Variants in PTPRD observed in about 807,000 individuals in gnomAD.
PTPRD encodes the protein receptor-type tyrosine-protein phosphatase delta.
A neutral mutation model predicts 214.5 loss-of-function variants in PTPRD; 34 were observed. The observed-to-expected ratio is 0.16, with a 90% CI of 0.12 to 0.21. PTPRD has a LOEUF of 0.21. PTPRD is among the 10% of genes least tolerant of loss of function. The probability of loss-of-function intolerance (pLI) is 1.00; values close to 1 mark genes in which losing one functional copy is unlikely to be tolerated. For synonymous variants in PTPRD, 1,128 were observed against 845.7 expected (o/e 1.33, Z -5.79); for missense variants, 2,545 against 2,398.7 (o/e 1.06, Z -1.27).
Position 10,362,828 on chromosome 9 carries a change from C to T in PTPRD, c.-599-21811G>A, listed in dbSNP as rs147679251. Among the ~76,000 whole-genome samples the T allele has an allele frequency of 2.8e-4, 42 of 152,136 alleles. No individual in the cohort carries two copies. The East Asian group carries it at 7.6e-3, about 27-fold the overall frequency. The stretch of plus-strand genomic sequence containing the variant: ...CCGGGAGGTGGAGGTGGCAGTGAGC[C>T]GACATCGTGCCACTGCACTCCAGCT... On this transcript the variant is annotated intron_variant, in intron 2 of 45. Coordinates refer to ENST00000381196, the MANE Select transcript of PTPRD (RefSeq NM_002839.4).
At chr9:9,075,643 G>A (rs2099749924) in intron 10 of PTPRD, among the ~76,000 whole-genome samples, 1 of 151,994 alleles carries the variant, frequency 6.6e-6, no homozygotes, top group Admixed American at 6.6e-5. Context: ...TCCCACCTGT[G>A]AGTGAGAACA....
At chr9:9,003,716 C>A (rs764389541) in intron 11 of PTPRD, among the ~76,000 whole-genome samples, 1 of 152,038 alleles carries the variant, frequency 6.6e-6, no homozygotes, top group Non-Finnish European at 1.5e-5. Flanking sequence ...TGCTTCAAAT[C>A]TATTCTCCTT....
chr9:9,340,494 G>A (rs1243090051), intron 9 of PTPRD, among the ~76,000 whole-genome samples: 2 of 152,198 alleles, frequency 1.3e-5, no homozygotes, highest in Non-Finnish European at 2.9e-5. Context: ...GCTACAAGTA[G>A]TAGTTAACCT....
chr9:8,484,526 C>T (rs2096955704), intron 29 of PTPRD, 148 bp from the exon 30 acceptor site: 1 of 762,552 alleles, frequency 1.3e-6, no homozygotes, highest in African/African-American at 1.8e-5. Context: ...AGTCATAATT[C>T]TGGAGATCAC....
At chr9:8,610,192 T>C (rs1407037299) in intron 14 of PTPRD, among the ~76,000 whole-genome samples, 7 of 152,238 alleles carry the variant, frequency 4.6e-5, no homozygotes, top group Non-Finnish European at 8.8e-5. Flanking sequence ...CTGCTCTTTC[T>C]GAACTGCAGT....
At chr9:9,578,945 A>T (rs2089911046) in intron 7 of PTPRD, among the ~76,000 whole-genome samples, 2 of 152,094 alleles carry the variant, frequency 1.3e-5, no homozygotes, top group African/African-American at 4.8e-5. Context: ...TTTATGTATT[A>T]ATTCATTTAA....
chr9:9,244,593 G>C (rs944638803), intron 9 of PTPRD, among the ~76,000 whole-genome samples: 3 of 152,160 alleles, frequency 2.0e-5, no homozygotes, highest in African/African-American at 7.2e-5. Context: ...TACGTAAAAA[G>C]CTGAAACTGG....
At chr9:8,483,989 G>C in intron 30 of PTPRD, 130 bp downstream of exon 30, 1 of 1,189,916 alleles carries the variant, frequency 8.4e-7, no homozygotes, top group Non-Finnish European at 1.2e-6. Flanking sequence ...AGCAAAACTG[G>C]GAGTCTGAGC....
chr9:10,486,528 C>G (rs2099133973), intron 2 of PTPRD, among the ~76,000 whole-genome samples: 1 of 152,098 alleles, frequency 6.6e-6, no homozygotes, highest in African/African-American at 2.4e-5. Context: ...CTGTTCTGCT[C>G]CATTGGTCTA....
At chr9:9,042,692 A>T (rs1430731026) in intron 10 of PTPRD, among the ~76,000 whole-genome samples, 2 of 142,468 alleles carry the variant, frequency 1.4e-5, no homozygotes, top group Non-Finnish European at 3.0e-5. Flanking sequence ...GTATCTTATG[A>T]CCTCTGGTGG....
intron 8 of PTPRD, among the ~76,000 whole-genome samples, chr9:9,442,975 ATGTG>A (rs1000341451): frequency 2.0e-5 from 3 of 152,016 alleles, no homozygotes; most frequent in African/African-American, 7.2e-5. Flanking sequence ...GTACATATAT[ATGTG>A]TGTGTGTGTA....
chr9:8,528,352 C>T, intron 15 of PTPRD: 1 of 564,446 alleles, frequency 1.8e-6, no homozygotes. Flanking sequence ...ACAGTCACAG[C>T]AGTGAGCAAT....
intron 8 of PTPRD, among the ~76,000 whole-genome samples, chr9:9,566,779 G>A (rs527487730): frequency 6.6e-6 from 1 of 152,094 alleles, no homozygotes; most frequent in Admixed American, 6.6e-5. Context: ...GACATTTGTG[G>A]AAAATATTGA....
At chr9:9,051,942 T>C (rs1210927535) in intron 10 of PTPRD, among the ~76,000 whole-genome samples, 2 of 152,228 alleles carry the variant, frequency 1.3e-5, no homozygotes, top group African/African-American at 4.8e-5. Context: ...ATTTGAAATC[T>C]GGGCATGGGA....
chr9:8,995,670 G>C (rs1236310355), intron 11 of PTPRD, among the ~76,000 whole-genome samples: 2 of 152,062 alleles, frequency 1.3e-5, no homozygotes, highest in Non-Finnish European at 2.9e-5. Context: ...ATCATAGAGA[G>C]TGCCACTGGC....
At chr9:8,642,659 AG>A (rs144724355) in intron 12 of PTPRD, among the ~76,000 whole-genome samples, 13,660 of 152,110 alleles carry the variant, frequency 0.09, 716 homozygotes, top group East Asian at 0.18. Flanking sequence ...CAGAAGAGTG[AG>A]GGGTGGTTCC....
chr9:9,395,438 C>G (rs1389586895), intron 9 of PTPRD, among the ~76,000 whole-genome samples: 1 of 152,078 alleles, frequency 6.6e-6, no homozygotes, highest in Non-Finnish European at 1.5e-5. Context: ...TCTAACTAGC[C>G]TTTTCGACTT....
intron 10 of PTPRD, among the ~76,000 whole-genome samples, chr9:9,082,828 G>C (rs905743393): frequency 6.6e-6 from 1 of 151,972 alleles, no homozygotes; most frequent in African/African-American, 2.4e-5. Context: ...AAAATACCTA[G>C]GAATATAACT....
intron 9 of PTPRD, among the ~76,000 whole-genome samples, chr9:9,242,763 T>C (rs2099971005): frequency 6.6e-6 from 1 of 152,126 alleles, no homozygotes; most frequent in Non-Finnish European, 1.5e-5. Context: ...TCAATGTTTT[T>C]AACTTCTTTC....
Sources: gnomAD v4.1 joint callset for allele counts (sites outside exome capture counted in the v4.1 genomes callset) on GRCh38, gnomAD v4.1.1 for gene constraint, MANE v1.5 for transcripts, NCBI Gene and HGNC (gene_info 2026-07-23, HGNC 2026-07-21) for gene names.